The following CNTN5 variants were observed in gnomAD, a reference collection of about 807,000 sequenced individuals.
The protein encoded by CNTN5 is contactin 5.
Under a neutral mutation model 129.1 loss-of-function variants are expected in CNTN5, and 77 were observed. The ratio of observed to expected loss-of-function variants is 0.60; its 90% confidence interval spans 0.50 to 0.72. CNTN5 has a LOEUF of 0.72. Among genes scored for constraint, CNTN5 ranks in the 30% least tolerant of loss-of-function variants. The pLI is 0.00. For synonymous variants in CNTN5, 509 were observed against 465.6 expected, an observed-to-expected ratio of 1.09 and a Z score of -1.20; for missense variants, 1,478 against 1,328.8, an observed-to-expected ratio of 1.11 and a Z score of -1.75.
chr11:100,023,842 A>ATT (rs149330687), intron 9 of CNTN5, among the ~76,000 whole-genome samples: 2 of 150,396 alleles, frequency 1.3e-5, no homozygotes, highest in African/African-American at 4.9e-5. Context: ...TTGATAGCTA[A>ATT]TTTTTTTTTT....
chr11:99,456,414 A>G (rs2135215376), intron 2 of CNTN5, among the ~76,000 whole-genome samples: 1 of 152,282 alleles, frequency 6.6e-6, no homozygotes, highest in Admixed American at 6.5e-5. Flanking sequence ...TAAATATCGA[A>G]AAGTAAAACA....
intron 2 of CNTN5, among the ~76,000 whole-genome samples, chr11:99,521,697 C>T (rs979953261): frequency 2.0e-5 from 3 of 152,164 alleles, no homozygotes; most frequent in African/African-American, 7.2e-5. Flanking sequence ...GTATCTGTTG[C>T]TCTTGTTGCT....
At chr11:100,328,336 T>G (rs1012787772) in intron 21 of CNTN5, among the ~76,000 whole-genome samples, 2 of 152,114 alleles carry the variant, frequency 1.3e-5, no homozygotes, top group Non-Finnish European at 2.9e-5. Context: ...AGCCTAGGAC[T>G]AATACAGGAC....
rs1311924301 is a variant in CNTN5, at chr11:100,191,167, C to T, written c.1622C>T (p.Ala541Val). The T allele has an allele frequency of 6.2e-7, 1 of 1,610,626 alleles. No individual in the cohort carries two copies. Among genetic ancestry groups the T allele is most frequent in the Non-Finnish European group, 8.5e-7 (1 of 1,177,476 alleles). The part of the protein sequence containing the change: ...LPDGSLRILN[A>V]SKSDEGKYVC... ...GACGGGAGTCTACGGATCCTAAATG[C>T]TTCCAAATCAGACGAGGGAAAGTAC... The change falls in exon 14 of 25, where the codon GCT (alanine) becomes GTT (valine). Residue 541 changes from alanine (A) to valine (V), a missense_variant. Physicochemically the swap from Ala to Val is moderately conservative, Grantham distance 64 (BLOSUM62 0). Coordinates refer to ENST00000524871, the MANE Select transcript of CNTN5 (RefSeq NM_014361.4).
At chr11:99,128,107 A>C (rs1311454313) in intron 1 of CNTN5, among the ~76,000 whole-genome samples, 15 of 152,190 alleles carry the variant, frequency 9.9e-5, no homozygotes, top group Non-Finnish European at 1.5e-5. Flanking sequence ...ACTGTCATGG[A>C]AAAGGGACTG....
intron 16 of CNTN5, among the ~76,000 whole-genome samples, chr11:100,234,037 GA>G (rs1949550363): frequency 6.6e-6 from 1 of 152,026 alleles, no homozygotes; most frequent in African/African-American, 2.4e-5. Context: ...CAACAAACAT[GA>G]AAAAAAGCTC....
chr11:99,734,664 A>G (rs1436496976), intron 3 of CNTN5, among the ~76,000 whole-genome samples: 1 of 152,086 alleles, frequency 6.6e-6, no homozygotes, highest in African/African-American at 2.4e-5. Context: ...ATCCCCAGCC[A>G]AAGAGGGTGT....
At chr11:99,295,954 C>T (rs1009993952) in intron 1 of CNTN5, among the ~76,000 whole-genome samples, 12 of 151,528 alleles carry the variant, frequency 7.9e-5, no homozygotes, top group Middle Eastern at 3.5e-3. Flanking sequence ...AAGTTTCTCA[C>T]CTACATTGGG....
chr11:99,846,672 T>C (rs1255414249), intron 6 of CNTN5, among the ~76,000 whole-genome samples: 1 of 152,134 alleles, frequency 6.6e-6, no homozygotes, highest in Non-Finnish European at 1.5e-5. Flanking sequence ...ATGTAATAAT[T>C]GATATTTCTC....
At chr11:99,443,860 C>A (rs1453730522) in intron 2 of CNTN5, among the ~76,000 whole-genome samples, 2 of 152,130 alleles carry the variant, frequency 1.3e-5, no homozygotes, top group Admixed American at 1.3e-4. Flanking sequence ...CACAAAGAAG[C>A]AGGACTATTT....
At chr11:99,883,129 A>G (rs1948814870) in intron 6 of CNTN5, among the ~76,000 whole-genome samples, 1 of 152,152 alleles carries the variant, frequency 6.6e-6, no homozygotes, top group Admixed American at 6.5e-5. Flanking sequence ...ATTGATGGAC[A>G]CTTAGGTTGC....
intron 1 of CNTN5, among the ~76,000 whole-genome samples, chr11:99,065,297 G>A (rs1865055886): frequency 6.6e-6 from 1 of 152,140 alleles, no homozygotes; most frequent in African/African-American, 2.4e-5. Flanking sequence ...GGAGCATGCT[G>A]TTCTCTCCAG....
chr11:99,380,273 G>C (rs1417484618), intron 2 of CNTN5, among the ~76,000 whole-genome samples: 1 of 152,070 alleles, frequency 6.6e-6, no homozygotes, highest in Non-Finnish European at 1.5e-5. Flanking sequence ...ACACATCTCA[G>C]CATGAAATTA....
At chr11:99,184,942 C>G in intron 1 of CNTN5, among the ~76,000 whole-genome samples, 1 of 150,966 alleles carries the variant, frequency 6.6e-6, no homozygotes, top group East Asian at 1.9e-4. Context: ...TTTAAATAAT[C>G]AAACCTATTA....
chr11:99,901,716 C>T (rs1949362442), intron 6 of CNTN5, among the ~76,000 whole-genome samples: 1 of 152,026 alleles, frequency 6.6e-6, no homozygotes, highest in Non-Finnish European at 1.5e-5. Flanking sequence ...GTGCTTGGCA[C>T]ATATGCATGC....
intron 18 of CNTN5, among the ~76,000 whole-genome samples, chr11:100,291,840 T>C (rs975627170): frequency 6.6e-6 from 1 of 150,722 alleles, no homozygotes; most frequent in Non-Finnish European, 1.5e-5. Flanking sequence ...TTTTCTACAT[T>C]TGAAAACTCA....
At chr11:100,024,893 G>A (rs1941340821) in intron 9 of CNTN5, among the ~76,000 whole-genome samples, 1 of 152,182 alleles carries the variant, frequency 6.6e-6, no homozygotes, top group Admixed American at 6.5e-5. Context: ...GTTTAAAAGG[G>A]AAACAGAACC....
At chr11:99,630,889 C>T (rs571333261) in intron 3 of CNTN5, among the ~76,000 whole-genome samples, 5 of 152,150 alleles carry the variant, frequency 3.3e-5, no homozygotes, top group Non-Finnish European at 5.9e-5. Flanking sequence ...ACTTCCTGTT[C>T]ATGCACATTG....
At chr11:99,508,701 C>T (rs368180862) in intron 2 of CNTN5, among the ~76,000 whole-genome samples, 4 of 128,648 alleles carry the variant, frequency 3.1e-5, no homozygotes, top group Non-Finnish European at 5.3e-5. Context: ...TTTTTTGACA[C>T]GGAATTTTGT....
Sources: gnomAD v4.1 joint callset for allele counts (sites outside exome capture counted in the v4.1 genomes callset) on GRCh38, gnomAD v4.1.1 for gene constraint, MANE v1.5 for transcripts, NCBI Gene and HGNC (gene_info 2026-07-23, HGNC 2026-07-21) for gene names.